GCNT2: variants seen among roughly 807,000 people sequenced by gnomAD.
The protein encoded by GCNT2 is glucosaminyl (N-acetyl) transferase 2 (I blood group).
A neutral mutation model predicts 34.2 loss-of-function variants in GCNT2; 34 were observed. That is an observed-to-expected ratio of 1.00 (90% confidence interval 0.76 to 1.32). The LOEUF is 1.32. GCNT2 is among the 40% of genes most tolerant of loss of function. The pLI, the probability that GCNT2 is intolerant of heterozygous loss-of-function variation, is 0.00. For synonymous variants in GCNT2, 212 were observed against 188.0 expected (o/e 1.13, Z -1.04); for missense variants, 584 against 489.4 (o/e 1.19, Z -1.82).
chr6:10,588,876 ATG>A (rs1345400351), intron 3 of GCNT2, among the ~76,000 whole-genome samples: 1 of 69,996 alleles, frequency 1.4e-5, no homozygotes, highest in Non-Finnish European at 2.8e-5. Flanking sequence ...TGTGTGGGGT[ATG>A]TGTGTTTGTA....
chr6:10,551,324 T>C (rs995081322), intron 3 of GCNT2, among the ~76,000 whole-genome samples: 26 of 152,290 alleles, frequency 1.7e-4, no homozygotes, highest in African/African-American at 6.0e-4. Context: ...CACACAGAGA[T>C]GGCAAGACCA....
chr6:10,523,799 C>T lies in GCNT2; in HGVS notation c.-469+2382C>T, dbSNP rs146450590. Among the ~76,000 whole-genome samples the T allele has an allele frequency of 7.8e-3, 1,192 of 151,862 alleles. 18 individuals carry two copies. The highest frequency in any genetic ancestry group is 0.027 in the African/African-American group (1,129 of 41,404). On this transcript the variant is annotated intron_variant, in intron 1 of 4. Transcript: ENST00000495262. ...CATCCTGGCTAACACGGTGAAACCC[C>T]GTCTCTATTAAAAATACAAAAAAAT... is the stretch of plus-strand genomic sequence containing the variant.
chr6:10,602,358 G>A (rs1179444229), intron 3 of GCNT2, among the ~76,000 whole-genome samples: 3 of 152,168 alleles, frequency 2.0e-5, no homozygotes, highest in Non-Finnish European at 4.4e-5. Flanking sequence ...CATTAATTAT[G>A]TGTGTGTTTT....
At chr6:10,521,440 G>C (rs1388316968) in intron 1 of GCNT2, 23 bp downstream of exon 1, 1 of 153,052 alleles carries the variant, frequency 6.5e-6, no homozygotes, top group African/African-American at 2.4e-5. Flanking sequence ...CAGCGTGCTG[G>C]GAAACTGGTG....
At chr6:10,547,455 G>T (rs1762320057) in intron 3 of GCNT2, among the ~76,000 whole-genome samples, 1 of 152,114 alleles carries the variant, frequency 6.6e-6, no homozygotes, top group Non-Finnish European at 1.5e-5. Context: ...TGTCTTCCAA[G>T]ATCTCATTTT....
intron 3 of GCNT2, among the ~76,000 whole-genome samples, chr6:10,578,322 A>G (rs999166281): frequency 6.7e-6 from 1 of 150,038 alleles, no homozygotes; most frequent in East Asian, 2.0e-4. Flanking sequence ...CGAAGGTTGC[A>G]GTGAGCCGAG....
In GCNT2 at chr6:10,586,000, G is replaced by C. The variant is rs1303318402; in HGVS notation, c.926-35351G>C. ...AGGGAAGTGAAAATAATGAACTTTT[G>C]GAGGTACTGCTTTTTTGCTTTCACT... On this transcript the variant is annotated intron_variant, in intron 3 of 4. Transcript: ENST00000495262. 5.6e-6 allele frequency: 9 copies of C among 1,613,956 alleles called. No homozygotes were observed. In the Admixed American group the frequency reaches 1.3e-4, roughly 24 times the overall value.
At chr6:10,582,014 A>G (rs1300333604) in intron 3 of GCNT2, 23 of 215,052 alleles carry the variant, frequency 1.1e-4, no homozygotes, top group Non-Finnish European at 1.8e-4. Flanking sequence ...TTATGTGTAT[A>G]TATGTATATA....
intron 3 of GCNT2, among the ~76,000 whole-genome samples, chr6:10,595,861 G>A (rs1764830103): frequency 6.6e-6 from 1 of 152,118 alleles, no homozygotes; most frequent in Non-Finnish European, 1.5e-5. Context: ...ACAGTGCAGA[G>A]AACAGTACTG....
At chr6:10,522,373 G>T (rs1300020020) in intron 1 of GCNT2, among the ~76,000 whole-genome samples, 2 of 152,132 alleles carry the variant, frequency 1.3e-5, no homozygotes, top group East Asian at 3.8e-4. Context: ...AGTAAATTCA[G>T]GTTTTGCCAA....
chr6:10,580,952 A>G (rs1751780357), intron 3 of GCNT2, among the ~76,000 whole-genome samples: 2 of 152,180 alleles, frequency 1.3e-5, no homozygotes, highest in African/African-American at 4.8e-5. Flanking sequence ...TGGGGCAGAG[A>G]GAGGTGGGAC....
intron 3 of GCNT2, among the ~76,000 whole-genome samples, chr6:10,554,581 C>A (rs1237189384): frequency 6.6e-6 from 1 of 152,152 alleles, no homozygotes; most frequent in Admixed American, 6.5e-5. Flanking sequence ...TTCTAAGCCA[C>A]AAATCTTTGC....
chr6:10,581,760 A>AT (rs1764077010), intron 3 of GCNT2: 1 of 985,176 alleles, frequency 1.0e-6, no homozygotes, highest in African/African-American at 1.7e-5. Flanking sequence ...TGAACCTGCA[A>AT]TAGAAGACCT....
intron 3 of GCNT2, among the ~76,000 whole-genome samples, chr6:10,551,907 G>A (rs1252354180): frequency 2.0e-5 from 3 of 151,304 alleles, no homozygotes; most frequent in Non-Finnish European, 4.4e-5. Flanking sequence ...ACAGGTGCCC[G>A]CCACCATGCC....
In GCNT2 at chr6:10,531,040, C is replaced by CAA. The variant is rs568195630; in HGVS notation, c.925+1220_925+1221dup. Among the ~76,000 whole-genome samples the CAA allele has an allele frequency of 2.0e-3, 188 of 95,804 alleles. 2 individuals are homozygous for CAA. The highest frequency in any genetic ancestry group is 6.7e-3 in the African/African-American group (164 of 24,546). The allele number at this position is 95,804 out of a possible 152,430, so 62.9% of individuals were successfully genotyped here. A position where few individuals can be genotyped will look rare whatever the true frequency, so the allele number is the denominator to read the frequency against. On this transcript the variant is annotated intron_variant, in intron 3 of 4. Coordinates refer to ENST00000495262, the MANE Select transcript of GCNT2 (RefSeq NM_145649.5). ...TCGCACTCCAGCGGAGACTCTGTCT[C>CAA]AAAAAAAAAAAAAAAAAGATTTCTA...
At chr6:10,556,866 C>G in intron 3 of GCNT2, 1 of 1,614,176 alleles carries the variant, frequency 6.2e-7, no homozygotes, top group South Asian at 1.1e-5. Flanking sequence ...TTCCCAAACG[C>G]TTTTCTGGCT....
chr6:10,529,891 T>A (rs1761401056), intron 3 of GCNT2, 55 bp downstream of exon 3: 1 of 1,340,228 alleles, frequency 7.5e-7, no homozygotes, highest in South Asian at 1.2e-5. Flanking sequence ...TGGTCAATAC[T>A]AAATAAGTTG....
intron 1 of GCNT2, among the ~76,000 whole-genome samples, chr6:10,525,880 A>C (rs1274565274): frequency 6.6e-6 from 1 of 152,238 alleles, no homozygotes; most frequent in Admixed American, 6.5e-5. Flanking sequence ...CTATGTCTGC[A>C]ATGTCTGGAG....
At position 10,607,243 on chromosome 6, in the gene GCNT2, A is replaced by G. The variant is rs961739479; in HGVS notation, c.926-14108A>G. 3.9e-5 allele frequency among the ~76,000 whole-genome samples: 6 copies of G among 152,146 alleles called. No individual in the cohort carries two copies. The East Asian group carries it at 1.2e-3, about 29-fold the overall frequency. ...AGAGGCTTAATTGCCTCACAGTTCC[A>G]CAGGCTGTACAGCAAGCAAAATCCT... On this transcript the variant is annotated intron_variant, in intron 3 of 4. Transcript: ENST00000495262.
Sources: allele counts gnomAD v4.1 joint callset (sites outside exome capture counted in the v4.1 genomes callset), GRCh38; gene constraint gnomAD v4.1.1; transcripts MANE v1.5; gene names NCBI Gene and HGNC (gene_info 2026-07-23, HGNC 2026-07-21).